The following HMCN1 variants were observed in gnomAD, a reference collection of about 807,000 sequenced individuals.
HMCN1 encodes hemicentin 1.
In HMCN1, 321 loss-of-function variants were observed where a neutral mutation model predicts 625.9. The observed-to-expected ratio is 0.51, with a 90% confidence interval of 0.47 to 0.56. The LOEUF (loss-of-function observed/expected upper bound fraction) is 0.56, where lower values mean the gene tolerates loss of function less well. Ranked by LOEUF, HMCN1 falls within the 20% of genes least tolerant of loss-of-function variation. The pLI is 0.00. For synonymous variants in HMCN1, 2,425 were observed against 2,417.6 expected, an observed-to-expected ratio of 1.00 and a Z score of -0.09; for missense variants, 6,588 against 6,887.3, an observed-to-expected ratio of 0.96 and a Z score of 1.54.
chr1:185,863,155 A>G (rs1662976751), intron 2 of HMCN1, among the ~76,000 whole-genome samples: 1 of 152,196 alleles, frequency 6.6e-6, no homozygotes, highest in African/African-American at 2.4e-5. Context: ...TACTCCTTTC[A>G]TGAATAACTA....
At position 186,103,356 on chromosome 1, in the gene HMCN1, T is replaced by C. The variant is rs1660469789; in HGVS notation, c.10574-116T>C. 1.3e-5 allele frequency: 11 copies of C among 826,714 alleles called. No individual in the cohort carries two copies. The East Asian group carries it at 2.1e-4, about 16-fold the overall frequency. 51.2% of individuals were successfully genotyped at this position (826,714 alleles called of 1,614,324 possible). ...TCTAGGAATTATTTCACTTTCCTTG[T>C]TCTAATCAATTTTTATCATGTGAAT... On this transcript the variant is annotated intron_variant, in intron 68 of 106. Transcript: ENST00000271588.
At chr1:186,171,522 T>C (rs1652230427) in intron 101 of HMCN1, 72 bp downstream of exon 101, 1 of 1,133,928 alleles carries the variant, frequency 8.8e-7, no homozygotes, top group Non-Finnish European at 1.3e-6. Flanking sequence ...TCTAAATGCA[T>C]ACACTGTGTC....
chr1:185,949,157 T>A (rs1264510085), intron 11 of HMCN1, among the ~76,000 whole-genome samples: 8 of 151,774 alleles, frequency 5.3e-5, no homozygotes, highest in Non-Finnish European at 1.2e-4. Context: ...AGAGTGGCAG[T>A]TTGGGGATAG....
chr1:186,172,553 CAAAT>C (rs967803816), intron 102 of HMCN1, among the ~76,000 whole-genome samples: 68 of 152,036 alleles, frequency 4.5e-4, no homozygotes, highest in African/African-American at 1.6e-3. Flanking sequence ...CATGACCAGA[CAAAT>C]AAAATAAATA....
Position 185,814,696 on chromosome 1 carries a change from A to T in HMCN1, c.269-31330A>T, listed in dbSNP as rs912184368. ...TTATTTTTTTTAATTATTATTATTTATTTTTTTTTTTTTGAGATGCAGTAT... is the reference window on the plus strand; with the variant it reads ...TTATTTTTTTTAATTATTATTATTTTTTTTTTTTTTTTTGAGATGCAGTAT... On this transcript the variant is annotated intron_variant, in intron 1 of 106. Coordinates refer to ENST00000271588, the MANE Select transcript of HMCN1 (RefSeq NM_031935.3). Among the ~76,000 whole-genome samples the T allele has an allele frequency of 2.3e-4, 34 of 145,930 alleles. 2 individuals are homozygous for T. Among genetic ancestry groups the T allele is most frequent in the African/African-American group, 9.1e-4 (34 of 37,518 alleles).
At chr1:185,770,606 T>C (rs574096404) in intron 1 of HMCN1, among the ~76,000 whole-genome samples, 66 of 152,316 alleles carry the variant, frequency 4.3e-4, no homozygotes, top group African/African-American at 1.5e-3. Context: ...TTTTTGCACT[T>C]GTAAATAGGG....
intron 85 of HMCN1, among the ~76,000 whole-genome samples, chr1:186,131,837 TTAG>T (rs1661952119): frequency 6.6e-6 from 1 of 152,140 alleles, no homozygotes; most frequent in African/African-American, 2.4e-5. Context: ...TATAAGTAAA[TTAG>T]TTTTTCACTT....
intron 17 of HMCN1, among the ~76,000 whole-genome samples, chr1:185,981,622 A>T (rs1651642750): frequency 6.6e-6 from 1 of 152,122 alleles, no homozygotes; most frequent in Non-Finnish European, 1.5e-5. Flanking sequence ...TATGATTTTT[A>T]TATCTGTCAG....
In HMCN1 at chr1:186,061,858, G is replaced by C; in HGVS notation, c.7320G>C (p.Arg2440Ser). 1 of 1,608,902 alleles carries C rather than the reference G, an allele frequency of 6.2e-7. No homozygotes were observed. The highest frequency in any genetic ancestry group is 8.5e-7 in the Non-Finnish European group (1 of 1,175,610). ...SNSVRILSGG[R>S]MLRLMQTTME... The stretch of plus-strand genomic sequence containing the variant: ...GATGGTTTGCTTCTGCAGGAGGCAG[G>C]ATGCTACGGCTGATGCAGACCACAA... The change falls in exon 47 of 107, where the codon AGG becomes AGC. Residue 2440 changes from arginine to serine, a missense_variant. Physicochemically the swap from Arg to Ser is moderately radical, Grantham distance 110. This residue lies in a region of HMCN1 where 4,628 missense variants were observed against 4,853.1 expected (regional missense o/e 0.95). Coordinates refer to ENST00000271588, the MANE Select transcript of HMCN1 (RefSeq NM_031935.3).
chr1:185,742,316 T>C lies in HMCN1; in HGVS notation c.268+7269T>C, dbSNP rs561340992. Among the ~76,000 whole-genome samples the C allele has an allele frequency of 1.7e-4, 26 of 152,358 alleles. No homozygotes were observed. The South Asian group carries it at 2.9e-3, about 17-fold the overall frequency. On this transcript the variant is annotated intron_variant, in intron 1 of 106. Transcript: ENST00000271588. ...TTCATTGGGAGAAATATTGACGTTATATATCTTTGTATATAAAAGTTTTCA... is the reference window on the plus strand; with the variant it reads ...TTCATTGGGAGAAATATTGACGTTACATATCTTTGTATATAAAAGTTTTCA...
At chr1:186,067,349 G>T (rs147459143) in intron 49 of HMCN1, among the ~76,000 whole-genome samples, 1 of 151,984 alleles carries the variant, frequency 6.6e-6, no homozygotes, top group African/African-American at 2.4e-5. Context: ...TCATCCTCCC[G>T]ATATACCCTG....
At chr1:185,998,121 T>C (rs1241912364) in intron 25 of HMCN1, among the ~76,000 whole-genome samples, 2 of 152,146 alleles carry the variant, frequency 1.3e-5, no homozygotes, top group Non-Finnish European at 2.9e-5. Context: ...ACTGTCACTT[T>C]CACCCTAACT....
intron 22 of HMCN1, 86 bp downstream of exon 22, chr1:185,990,529 G>T (rs149539604): frequency 8.5e-5 from 100 of 1,180,516 alleles, no homozygotes; most frequent in Admixed American, 6.1e-4. Context: ...GTTATCAAAC[G>T]TCTCAAAAAA....
At position 185,892,871 on chromosome 1, in the gene HMCN1, T is replaced by A. The variant is rs188830301; in HGVS notation, c.622-16466T>A. 1.0e-2 allele frequency among the ~76,000 whole-genome samples: 1,516 copies of A among 152,338 alleles called. 12 individuals are homozygous for A. The highest frequency in any genetic ancestry group is 0.041 in the Middle Eastern group (12 of 294). ...GAGCTTCCAGGCTGCTTTGTTTACCTACGGAAGCCTGGTCAATGGCGGGCG... is the reference window on the plus strand; with the variant it reads ...GAGCTTCCAGGCTGCTTTGTTTACCAACGGAAGCCTGGTCAATGGCGGGCG... On this transcript the variant is annotated intron_variant, in intron 4 of 106. Coordinates refer to ENST00000271588, the MANE Select transcript of HMCN1 (RefSeq NM_031935.3).
chr1:185,953,472 C>T (rs1264959296), intron 11 of HMCN1, among the ~76,000 whole-genome samples: 1 of 151,848 alleles, frequency 6.6e-6, no homozygotes, highest in Non-Finnish European at 1.5e-5. Flanking sequence ...AACGTGTCTC[C>T]TTTGTCTCTA....
intron 4 of HMCN1, among the ~76,000 whole-genome samples, chr1:185,876,417 G>A (rs1429626665): frequency 6.6e-6 from 1 of 151,936 alleles, no homozygotes; most frequent in African/African-American, 2.4e-5. Context: ...TTTCCTTTGG[G>A]TAGATATCCA....
Position 186,065,303 on chromosome 1 carries a change from C to T in HMCN1, c.7579C>T (p.His2527Tyr). ...GQPLQEDEAHHIISGGRFLQI... is the reference protein window; with the variant it reads ...GQPLQEDEAHYIISGGRFLQI... ...GCCCCTCCAAGAAGATGAAGCCCATCACATTATATCTGGTGGCCGTTTTCT... is the reference window on the plus strand; with the variant it reads ...GCCCCTCCAAGAAGATGAAGCCCATTACATTATATCTGGTGGCCGTTTTCT... Residue 2527 changes from histidine to tyrosine, a missense_variant, in exon 49 of 107, where the codon CAC (histidine) becomes TAC (tyrosine). Coordinates refer to ENST00000271588, the MANE Select transcript of HMCN1 (RefSeq NM_031935.3). The T allele has an allele frequency of 6.2e-7, 1 of 1,612,692 alleles. No homozygotes were observed. The highest frequency in any genetic ancestry group is 8.5e-7 in the Non-Finnish European group (1 of 1,179,750).
chr1:186,163,886 C>T (rs11803845), intron 97 of HMCN1, among the ~76,000 whole-genome samples: 9,612 of 152,184 alleles, frequency 0.063, 754 homozygotes, highest in African/African-American at 0.19. Context: ...CCAAATTCCA[C>T]CTATTAGATG....
chr1:185,911,619 A>G, intron 5 of HMCN1, 55 bp from the exon 6 acceptor site: 1 of 1,207,932 alleles, frequency 8.3e-7, no homozygotes, highest in Admixed American at 1.7e-5. Flanking sequence ...AAATTAGCTA[A>G]TATACATAGC....
Sources: allele counts gnomAD v4.1 joint callset (sites outside exome capture counted in the v4.1 genomes callset), GRCh38; gene constraint gnomAD v4.1.1; regional missense constraint gnomAD v4.1.1; transcripts MANE v1.5; gene names NCBI Gene and HGNC (gene_info 2026-07-23, HGNC 2026-07-21).